ADAMTSL1: variants seen among roughly 807,000 people sequenced by gnomAD.
The protein encoded by ADAMTSL1 is ADAMTS-like protein 1.
ADAMTSL1 carries 126 observed loss-of-function variants against 201.8 expected under a neutral mutation model. The observed-to-expected ratio is 0.62, with a 90% CI of 0.54 to 0.72. ADAMTSL1 has a LOEUF of 0.72. Ranked by LOEUF, ADAMTSL1 falls within the 30% of genes least tolerant of loss-of-function variation. The pLI is 0.00. For synonymous variants in ADAMTSL1, 1,121 were observed against 903.4 expected (o/e 1.24, Z -4.32); for missense variants, 2,679 against 2,277.8 (o/e 1.18, Z -3.59).
chr9:18,746,381 G>C (rs1193432705), intron 15 of ADAMTSL1, among the ~76,000 whole-genome samples: 1 of 152,126 alleles, frequency 6.6e-6, no homozygotes, highest in Admixed American at 6.6e-5. Flanking sequence ...TCAGATTGCT[G>C]TCCACCTCCC....
intron 1 of ADAMTSL1, among the ~76,000 whole-genome samples, chr9:18,075,214 C>G (rs1452420138): frequency 6.6e-6 from 1 of 152,120 alleles, no homozygotes; most frequent in Non-Finnish European, 1.5e-5. Flanking sequence ...AAATTTGCAT[C>G]ATTTCTTACT....
At chr9:18,614,061 G>A (rs1011784443) in intron 4 of ADAMTSL1, among the ~76,000 whole-genome samples, 2 of 152,268 alleles carry the variant, frequency 1.3e-5, no homozygotes, top group South Asian at 4.1e-4. Context: ...ACTCAGGGCT[G>A]TCCTAAGATG....
chr9:18,743,399 TC>T (rs995326873), intron 15 of ADAMTSL1, among the ~76,000 whole-genome samples: 1 of 152,252 alleles, frequency 6.6e-6, no homozygotes, highest in Admixed American at 6.5e-5. Context: ...GCCATTTTTT[TC>T]AAGAGCTATT....
chr9:18,255,105 A>G (rs1049888929), intron 2 of ADAMTSL1, among the ~76,000 whole-genome samples: 2 of 152,112 alleles, frequency 1.3e-5, no homozygotes, highest in Non-Finnish European at 2.9e-5. Context: ...CTCCTAATAA[A>G]CTTGATATTG....
chr9:18,001,340 A>G (rs1586878148), intron 1 of ADAMTSL1, among the ~76,000 whole-genome samples: 1 of 152,172 alleles, frequency 6.6e-6, no homozygotes, highest in East Asian at 1.9e-4. Context: ...ATATGAATAA[A>G]TCATGGCACA....
intron 22 of ADAMTSL1, among the ~76,000 whole-genome samples, chr9:18,828,885 A>G (rs1437906233): frequency 6.6e-6 from 1 of 151,768 alleles, no homozygotes; most frequent in African/African-American, 2.4e-5. Flanking sequence ...ACAAGGTGCC[A>G]GGCACGTAGT....
At chr9:18,682,056 T>A in intron 12 of ADAMTSL1, 97 bp downstream of exon 12, 2 of 1,322,034 alleles carry the variant, frequency 1.5e-6, no homozygotes, top group Non-Finnish European at 2.1e-6. Flanking sequence ...TCCCAAGTAT[T>A]CTTAGTAAGA....
chr9:18,503,803 A>G (rs1294837811), intron 1 of ADAMTSL1, among the ~76,000 whole-genome samples: 3 of 152,196 alleles, frequency 2.0e-5, no homozygotes, highest in Non-Finnish European at 4.4e-5. Flanking sequence ...AGGTTTTAAA[A>G]GTTCAAGTAC....
chr9:18,317,770 T>C (rs1235904575), intron 2 of ADAMTSL1, among the ~76,000 whole-genome samples: 2 of 152,196 alleles, frequency 1.3e-5, no homozygotes, highest in African/African-American at 4.8e-5. Context: ...GCAGAAGCAA[T>C]GTTTCCATCA....
intron 9 of ADAMTSL1, among the ~76,000 whole-genome samples, chr9:18,663,545 A>G (rs776770): frequency 0.19 from 28,529 of 152,012 alleles, 3,187 homozygotes; most frequent in East Asian, 0.38. Context: ...TTTATGCATA[A>G]CTGTAATAGG....
At chr9:18,501,647 C>T (rs1822852600) in intron 1 of ADAMTSL1, among the ~76,000 whole-genome samples, 1 of 152,056 alleles carries the variant, frequency 6.6e-6, no homozygotes, top group African/African-American at 2.4e-5. Flanking sequence ...ATCAGAAAGG[C>T]ATCTCTAAAA....
chr9:18,739,429 G>A (rs1312504436), intron 15 of ADAMTSL1, among the ~76,000 whole-genome samples: 3 of 152,112 alleles, frequency 2.0e-5, no homozygotes, highest in Admixed American at 2.0e-4. Context: ...TAAAAATAGT[G>A]TCCCAGGGAT....
chr9:18,162,962 C>T (rs1479767373), intron 1 of ADAMTSL1, among the ~76,000 whole-genome samples: 1 of 151,896 alleles, frequency 6.6e-6, no homozygotes, highest in African/African-American at 2.4e-5. Flanking sequence ...CATGTTATTT[C>T]CTATTTTCTC....
chr9:18,645,382 C>T (rs371254445), intron 7 of ADAMTSL1, among the ~76,000 whole-genome samples: 3,758 of 152,180 alleles, frequency 0.025, 64 homozygotes, highest in Non-Finnish European at 0.036. Context: ...TGCAGAAGCT[C>T]TTTAGTTTAA....
chr9:18,681,714 GA>G, intron 11 of ADAMTSL1, 97 bp from the exon 12 acceptor site: 1 of 884,430 alleles, frequency 1.1e-6, no homozygotes, highest in East Asian at 3.3e-5. Context: ...GGGGGGCGGG[GA>G]AAAAGAAAAC....
chr9:18,858,325 C>T (rs192280015), intron 23 of ADAMTSL1, among the ~76,000 whole-genome samples: 1 of 152,266 alleles, frequency 6.6e-6, no homozygotes, highest in East Asian at 1.9e-4. Context: ...CCTCGCCTCA[C>T]TCAGGTTCTA....
chr9:18,354,911 C>A (rs572324399), intron 2 of ADAMTSL1, among the ~76,000 whole-genome samples: 65 of 152,268 alleles, frequency 4.3e-4, no homozygotes, highest in South Asian at 1.0e-3. Flanking sequence ...GCAGAGGTTG[C>A]AGTGAGCCAA....
intron 3 of ADAMTSL1, among the ~76,000 whole-genome samples, chr9:18,566,748 G>A (rs1224999552): frequency 6.6e-6 from 1 of 152,112 alleles, no homozygotes; most frequent in African/African-American, 2.4e-5. Flanking sequence ...AATAGGATGT[G>A]ACAGGCCTGA....
intron 4 of ADAMTSL1, among the ~76,000 whole-genome samples, chr9:18,593,465 T>C (rs1008584005): frequency 5.3e-5 from 8 of 152,096 alleles, no homozygotes; most frequent in African/African-American, 1.7e-4. Context: ...TTTGCTCTTA[T>C]TTTTCTAGTT....
Sources: gnomAD v4.1 joint callset for allele counts (sites outside exome capture counted in the v4.1 genomes callset) on GRCh38, gnomAD v4.1.1 for gene constraint, MANE v1.5 for transcripts, NCBI Gene and HGNC (gene_info 2026-07-23, HGNC 2026-07-21) for gene names.